Variants in MEIG1 observed in about 807,000 individuals in gnomAD.
The protein encoded by MEIG1 is meiosis/spermiogenesis associated 1, also known as meiosis expressed gene 1 protein homolog.
In MEIG1, 12 loss-of-function variants were observed where a neutral mutation model predicts 11.3. That is an observed-to-expected ratio of 1.07 (90% CI 0.68 to 1.73). The LOEUF is 1.73. Among genes scored for constraint, MEIG1 ranks in the 40% most tolerant of loss-of-function variants. The probability of loss-of-function intolerance (pLI) is 0.00; values close to 1 mark genes in which losing one functional copy is unlikely to be tolerated. For synonymous variants in MEIG1, 41 were observed against 33.2 expected (o/e 1.24, Z -0.81); for missense variants, 119 against 104.9 (o/e 1.13, Z -0.59).
At chr10:14,959,844 T>A (rs1026408490) in intron 1 of MEIG1, among the ~76,000 whole-genome samples, 9 of 152,248 alleles carry the variant, frequency 5.9e-5, no homozygotes, top group Non-Finnish European at 5.9e-5. Context: ...GGGCTCCGAT[T>A]TGGGCCCTAG....
At chr10:14,965,982 C>A (rs187875559) in intron 1 of MEIG1, among the ~76,000 whole-genome samples, 5 of 151,308 alleles carry the variant, frequency 3.3e-5, no homozygotes, top group Non-Finnish European at 7.4e-5. Context: ...CCTTCTCAAT[C>A]TTGGAATTGT....
At chr10:14,984,246 A>C (rs28460810) in intron 1 of MEIG1, among the ~76,000 whole-genome samples, 1 of 23,996 alleles carries the variant, frequency 4.2e-5, no homozygotes, top group African/African-American at 1.5e-3. Context: ...CGTAATATCC[A>C]GGGTGGGAGA....
chr10:14,975,539 T>C (rs1323897836), downstream of MEIG1, among the ~76,000 whole-genome samples: 4 of 151,998 alleles, frequency 2.6e-5, no homozygotes, highest in African/African-American at 4.8e-5. Flanking sequence ...GAGGAGAAGA[T>C]GATAATACCC....
At chr10:14,956,141 T>C (rs118176206), upstream of MEIG1, among the ~76,000 whole-genome samples, 954 of 152,152 alleles carry the variant, frequency 6.3e-3, 3 homozygotes, top group Non-Finnish European at 0.011. Context: ...GGATAGAAAA[T>C]AGGCAAGATA....
intron 1 of MEIG1, among the ~76,000 whole-genome samples, chr10:14,981,041 C>A (rs920546138): frequency 6.6e-6 from 1 of 152,032 alleles, no homozygotes; most frequent in African/African-American, 2.4e-5. Flanking sequence ...TGTTCCATGG[C>A]GAATGACAAG....
chr10:14,956,018 G>A (rs1703151301), upstream of MEIG1, among the ~76,000 whole-genome samples: 1 of 152,192 alleles, frequency 6.6e-6, no homozygotes, highest in Admixed American at 6.5e-5. Context: ...GGAAAGGCAG[G>A]TCAAGTTAAT....
chr10:14,959,257 G>A (rs557911702), upstream of MEIG1, among the ~76,000 whole-genome samples: 3 of 152,304 alleles, frequency 2.0e-5, no homozygotes, highest in African/African-American at 7.2e-5. Context: ...GACCTACATT[G>A]GCTTAGTAAG....
At chr10:14,976,111 C>T (rs954660148), downstream of MEIG1, among the ~76,000 whole-genome samples, 1 of 152,036 alleles carries the variant, frequency 6.6e-6, no homozygotes, top group African/African-American at 2.4e-5. Context: ...CGACGGGAAT[C>T]GTAATACCCA....
At chr10:14,970,399 C>G (rs943318209) in intron 2 of MEIG1, 1 of 152,244 alleles carries the variant, frequency 6.6e-6, no homozygotes, top group African/African-American at 2.4e-5. Flanking sequence ...TGTCCCATAT[C>G]AAGTAGCTCA....
At chr10:14,987,020 G>C in intron 2 of MEIG1, 1 of 627,086 alleles carries the variant, frequency 1.6e-6, no homozygotes, top group South Asian at 1.5e-5. Flanking sequence ...CAGAGGTGAG[G>C]ATTCATGATG....
At chr10:14,958,843 C>T (rs1184469746), upstream of MEIG1, among the ~76,000 whole-genome samples, 1 of 151,958 alleles carries the variant, frequency 6.6e-6, no homozygotes, top group Non-Finnish European at 1.5e-5. Context: ...TTGCAGTGAG[C>T]CGAGATAGCA....
chr10:14,984,297 G>A (rs550256129), intron 1 of MEIG1, among the ~76,000 whole-genome samples: 5 of 151,926 alleles, frequency 3.3e-5, no homozygotes, highest in East Asian at 1.9e-4. Flanking sequence ...AGGAGATTTC[G>A]TCTACTACCA....
downstream of MEIG1, among the ~76,000 whole-genome samples, chr10:14,975,098 T>G (rs1290727944): frequency 1.3e-5 from 2 of 152,036 alleles, no homozygotes; most frequent in African/African-American, 4.8e-5. Context: ...TTACTCCCAA[T>G]ATAGCACTGG....
chr10:14,955,488 G>A (rs555932340), upstream of MEIG1, among the ~76,000 whole-genome samples: 1 of 152,258 alleles, frequency 6.6e-6, no homozygotes, highest in South Asian at 2.1e-4. Flanking sequence ...GTGATCACCT[G>A]AGGTCAGGAG....
chr10:14,976,298 T>G (rs1224150064), downstream of MEIG1, among the ~76,000 whole-genome samples: 1 of 152,112 alleles, frequency 6.6e-6, no homozygotes, highest in Non-Finnish European at 1.5e-5. Context: ...ATATTATTCA[T>G]CGGGGAATAT....
chr10:14,962,766 T>G lies in MEIG1; in HGVS notation c.-30+3209T>G, dbSNP rs561100384. 3.4e-4 allele frequency among the ~76,000 whole-genome samples: 52 copies of G among 152,260 alleles called. 1 individual carries two copies. The South Asian group carries it at 5.8e-3, about 17-fold the overall frequency. ...TAAAAATATGACTAATTTGGAATTT[T>G]TTTTTTTTTTCTTTTTTTCAGACAG... is the stretch of plus-strand genomic sequence containing the variant. On this transcript the variant is annotated intron_variant, in intron 1 of 2. Coordinates refer to ENST00000407572, the MANE Select transcript of MEIG1 (RefSeq NM_001080836.3).
At chr10:14,967,451 C>T (rs1018832544) in intron 2 of MEIG1, among the ~76,000 whole-genome samples, 28 of 151,934 alleles carry the variant, frequency 1.8e-4, no homozygotes, top group African/African-American at 5.8e-4. Flanking sequence ...ATTTGGCTCC[C>T]GTTTATACAG....
At chr10:14,983,787 G>T (rs371870802) in intron 1 of MEIG1, among the ~76,000 whole-genome samples, 3 of 151,962 alleles carry the variant, frequency 2.0e-5, no homozygotes, top group African/African-American at 7.3e-5. Context: ...CAGTGATACG[G>T]TCCTTAATAT....
intron 1 of MEIG1, among the ~76,000 whole-genome samples, chr10:14,961,106 G>A (rs1188051330): frequency 6.6e-6 from 1 of 152,164 alleles, no homozygotes; most frequent in Non-Finnish European, 1.5e-5. Context: ...TACACCCATG[G>A]TAGGTCGAAA....
Sources: allele counts gnomAD v4.1 joint callset (sites outside exome capture counted in the v4.1 genomes callset), GRCh38; gene constraint gnomAD v4.1.1; transcripts MANE v1.5; gene names NCBI Gene and HGNC (gene_info 2026-07-23, HGNC 2026-07-21).